Variants in OXCT1 observed in about 807,000 individuals in gnomAD.
The protein encoded by OXCT1 is 3-oxoacid CoA-transferase 1.
A neutral mutation model predicts 69.6 loss-of-function variants in OXCT1; 27 were observed. The ratio of observed to expected loss-of-function variants is 0.39; its 90% CI spans 0.29 to 0.54. OXCT1 has a LOEUF of 0.54. Among genes scored for constraint, OXCT1 ranks in the 20% least tolerant of loss-of-function variants. OXCT1 has a pLI of 0.72. For missense variants in OXCT1, 437 were observed against 650.2 expected (o/e 0.67, Z 3.57); for synonymous variants, 202 against 217.8 (o/e 0.93, Z 0.64).
chr5:41,845,581 C>A (rs566385956), intron 5 of OXCT1, among the ~76,000 whole-genome samples: 1 of 151,696 alleles, frequency 6.6e-6, no homozygotes, highest in South Asian at 2.1e-4. Flanking sequence ...AAAAAAAGTA[C>A]TAAGAATTAA....
At chr5:41,852,814 C>G (rs1033142622) in intron 4 of OXCT1, among the ~76,000 whole-genome samples, 2 of 152,082 alleles carry the variant, frequency 1.3e-5, no homozygotes, top group African/African-American at 4.8e-5. Flanking sequence ...TGGCTTACAC[C>G]TGTGAGGCCA....
rs375281835 is a variant in OXCT1, at chr5:41,805,676, T to C, written c.846A>G (p.Leu282=). 9 of 1,580,764 alleles carry C rather than the reference T, an allele frequency of 5.7e-6. No homozygotes were observed. The highest frequency in any genetic ancestry group is 6.1e-6 in the Non-Finnish European group (7 of 1,149,870). ...GEKYEKRIER[L]SIRKEGDGEA... ...CCCCATCTCCCTCTTTCCGGATTGA[T>C]AAACGCTTTAAATTAAACAGAAATA... The change falls in exon 9 of 17, where the codon TTA becomes TTG. Residue 282 remains leucine, a synonymous_variant. Transcript: ENST00000196371.
At chr5:41,799,989 G>GATAC (rs1746352259) in intron 11 of OXCT1, among the ~76,000 whole-genome samples, 1 of 152,112 alleles carries the variant, frequency 6.6e-6, no homozygotes, top group African/African-American at 2.4e-5. Context: ...TGAATAAAAG[G>GATAC]ATACAGAAAA....
At chr5:41,841,417 A>T (rs747931619) in intron 6 of OXCT1, among the ~76,000 whole-genome samples, 19 of 152,142 alleles carry the variant, frequency 1.2e-4, no homozygotes, top group Admixed American at 3.3e-4. Flanking sequence ...CAAGGGCAGA[A>T]TGGTCAGAGG....
intron 3 of OXCT1, among the ~76,000 whole-genome samples, chr5:41,858,894 T>C (rs536430246): frequency 6.6e-6 from 1 of 152,300 alleles, no homozygotes; most frequent in African/African-American, 2.4e-5. Flanking sequence ...ATTTATGACA[T>C]ACAGTAATTT....
At chr5:41,767,593 T>A (rs955802644) in intron 13 of OXCT1, among the ~76,000 whole-genome samples, 2 of 151,186 alleles carry the variant, frequency 1.3e-5, no homozygotes, top group Admixed American at 1.3e-4. Context: ...GAAAATCTTG[T>A]TTCTGCTTGA....
intron 7 of OXCT1, among the ~76,000 whole-genome samples, chr5:41,810,525 G>A (rs181870026): frequency 3.9e-5 from 6 of 152,078 alleles, no homozygotes; most frequent in Admixed American, 3.3e-4. Flanking sequence ...AAATCCAGAC[G>A]TTTGAGGCTT....
In OXCT1 at chr5:41,869,953, C is replaced by T. The variant is rs1295826294; in HGVS notation, c.78+328G>A. ...GACCCTCAGAGTCCCTATCCAAGGG[C>T]GGGTGCCAGGAGGGAAGCCGACGAG... is the stretch of plus-strand genomic sequence containing the variant. On this transcript the variant is annotated intron_variant, in intron 1 of 16. Transcript: ENST00000196371. The T allele has an allele frequency of 2.0e-5, 8 of 408,196 alleles. No individual in the cohort carries two copies. The Admixed American group carries it at 2.9e-4, about 15-fold the overall frequency. The allele number at this position is 408,196 out of a possible 1,614,324, so 25.3% of individuals were successfully genotyped here. A position where few individuals can be genotyped will look rare whatever the true frequency, so the allele number is the denominator to read the frequency against.
intron 7 of OXCT1, among the ~76,000 whole-genome samples, chr5:41,821,216 A>G (rs983976104): frequency 2.6e-5 from 4 of 152,196 alleles, no homozygotes; most frequent in African/African-American, 4.8e-5. Flanking sequence ...TAACCAAAGT[A>G]TTGTTTTTAT....
intron 16 of OXCT1, among the ~76,000 whole-genome samples, chr5:41,737,276 G>A (rs1473900884): frequency 6.6e-6 from 1 of 152,122 alleles, no homozygotes; most frequent in Admixed American, 6.5e-5. Context: ...AGAAGAGATG[G>A]TACTGAAATT....
At chr5:41,854,558 C>T (rs1468886395) in intron 3 of OXCT1, among the ~76,000 whole-genome samples, 1 of 151,832 alleles carries the variant, frequency 6.6e-6, no homozygotes, top group African/African-American at 2.4e-5. Context: ...GATAAGAATA[C>T]TTGACCTTAA....
chr5:41,829,763 T>C (rs1157605164), intron 7 of OXCT1, among the ~76,000 whole-genome samples: 1 of 152,200 alleles, frequency 6.6e-6, no homozygotes. Flanking sequence ...ATTTTTATAT[T>C]TATTACTTCC....
chr5:41,731,650 TATG>T lies in OXCT1; in HGVS notation c.*76_*78del. 6.5e-7 allele frequency: 1 copy of T among 1,539,118 alleles called. No individual in the cohort carries two copies. The highest frequency in any genetic ancestry group is 8.8e-7 in the Non-Finnish European group (1 of 1,135,308). ...AAAAACCACCTGTTAAATACACAATTATGATTATTGATGTCCTTTCAATTAAAT... is the reference window on the plus strand; with the variant it reads ...AAAAACCACCTGTTAAATACACAATTATTATTGATGTCCTTTCAATTAAAT... On this transcript the variant is annotated 3_prime_UTR_variant, in exon 17 of 17. Transcript: ENST00000196371.
intron 1 of OXCT1, among the ~76,000 whole-genome samples, chr5:41,869,008 CGGCCCAAG>C (rs1750143513): frequency 6.6e-6 from 1 of 152,194 alleles, no homozygotes; most frequent in Non-Finnish European, 1.5e-5. Context: ...TTCCTGACCT[CGGCCCAAG>C]GGTATCGCTG....
In OXCT1 at chr5:41,785,944, C is replaced by A. The variant is rs548281438; in HGVS notation, c.1248+8059G>T. Among the ~76,000 whole-genome samples the A allele has an allele frequency of 3.3e-5, 5 of 152,144 alleles. No homozygotes were observed. In the South Asian group the frequency reaches 1.0e-3, roughly 32 times the overall value. The stretch of plus-strand genomic sequence containing the variant: ...GATAGGGAGTGCTGCCTGACTCTTA[C>A]CTGAGAAAATTAAAGGGGCTGTTTT... On this transcript the variant is annotated intron_variant, in intron 13 of 16. Coordinates refer to ENST00000196371, the MANE Select transcript of OXCT1 (RefSeq NM_000436.4).
intron 13 of OXCT1, among the ~76,000 whole-genome samples, chr5:41,776,428 T>G (rs932877080): frequency 3.3e-5 from 5 of 152,254 alleles, no homozygotes. Flanking sequence ...AAAAAATTTA[T>G]TTAAAAAACT....
At chr5:41,761,730 T>C (rs1211424796) in intron 14 of OXCT1, among the ~76,000 whole-genome samples, 2 of 152,146 alleles carry the variant, frequency 1.3e-5, no homozygotes, top group African/African-American at 4.8e-5. Context: ...TGTTGTGGCT[T>C]TTCATTTCAC....
chr5:41,823,508 C>A (rs1013587868), intron 7 of OXCT1, among the ~76,000 whole-genome samples: 2 of 152,206 alleles, frequency 1.3e-5, no homozygotes, highest in Middle Eastern at 3.2e-3. Context: ...TGCTACTAGG[C>A]TTCTGCTCCA....
chr5:41,749,197 A>G (rs1366501944), intron 15 of OXCT1, among the ~76,000 whole-genome samples: 1 of 152,164 alleles, frequency 6.6e-6, no homozygotes, highest in Non-Finnish European at 1.5e-5. Flanking sequence ...TAGAAAAGGT[A>G]GAAATAATAT....
Sources: allele counts gnomAD v4.1 joint callset (sites outside exome capture counted in the v4.1 genomes callset), GRCh38; gene constraint gnomAD v4.1.1; transcripts MANE v1.5; gene names NCBI Gene and HGNC (gene_info 2026-07-23, HGNC 2026-07-21).